Variants in TMEM178B observed in about 807,000 individuals in gnomAD.
TMEM178B encodes the protein transmembrane protein 178B.
A neutral mutation model predicts 31.0 loss-of-function variants in TMEM178B; 5 were observed. That is an observed-to-expected ratio of 0.16 (90% CI 0.08 to 0.34). The LOEUF is 0.34. TMEM178B is among the 10% of genes least tolerant of loss of function. The pLI is 1.00. For synonymous variants in TMEM178B, 164 were observed against 164.0 expected (o/e 1.00, Z 0.00); for missense variants, 275 against 400.3 (o/e 0.69, Z 2.67).
At chr7:141,101,170 C>A (rs775749036) in intron 1 of TMEM178B, among the ~76,000 whole-genome samples, 2 of 152,114 alleles carry the variant, frequency 1.3e-5, no homozygotes, top group Non-Finnish European at 2.9e-5. Context: ...AGAGTGTAAC[C>A]TGTAAATCTG....
intron 1 of TMEM178B, among the ~76,000 whole-genome samples, chr7:141,136,281 G>C (rs987643308): frequency 6.6e-6 from 1 of 152,196 alleles, no homozygotes; most frequent in African/African-American, 2.4e-5. Context: ...CTGGGGAAAG[G>C]ACTTGCTCTT....
At chr7:141,169,978 G>A (rs1275123786) in intron 1 of TMEM178B, among the ~76,000 whole-genome samples, 1 of 152,176 alleles carries the variant, frequency 6.6e-6, no homozygotes, top group Non-Finnish European at 1.5e-5. Flanking sequence ...TCAATCTTAT[G>A]CAAATATTTT....
the TMEM178B span, among the ~76,000 whole-genome samples, chr7:141,492,470 T>A: frequency 1.1e-4 from 17 of 152,200 alleles, no homozygotes. Flanking sequence ...TGTCTTTAAC[T>A]CTGCAGCCCC....
intron 2 of TMEM178B, among the ~76,000 whole-genome samples, chr7:141,324,440 T>G (rs868715345): frequency 4.8e-5 from 6 of 126,226 alleles, no homozygotes; most frequent in African/African-American, 1.1e-4. Context: ...TTTTTTTTTT[T>G]TTTTTTTTTT....
intron 3 of TMEM178B, among the ~76,000 whole-genome samples, chr7:141,467,650 C>T (rs1188418512): frequency 2.0e-5 from 3 of 152,096 alleles, no homozygotes; most frequent in African/African-American, 7.2e-5. Context: ...ACCGAAGTGC[C>T]TTGACCCTAC....
chr7:141,099,069 A>G (rs1259681304), intron 1 of TMEM178B, among the ~76,000 whole-genome samples: 1 of 152,242 alleles, frequency 6.6e-6, no homozygotes, highest in Non-Finnish European at 1.5e-5. Context: ...ATTATCAACC[A>G]GGGCAGAATG....
At chr7:141,336,727 C>T (rs1450830104) in intron 2 of TMEM178B, among the ~76,000 whole-genome samples, 1 of 151,532 alleles carries the variant, frequency 6.6e-6, no homozygotes, top group Non-Finnish European at 1.5e-5. Context: ...ACTCTTACTA[C>T]CATCACTTCT....
Position 141,074,722 on chromosome 7 carries a change from C to G in TMEM178B, c.382+30C>G. ...GCGCCGGGCGCAAGGCGTGGCGCTG[C>G]GGAGAGCCCGGCGCCTTTAGGCCCC... is the stretch of plus-strand genomic sequence containing the variant. On this transcript the variant is annotated intron_variant, in intron 1 of 3. Coordinates refer to ENST00000565468, the MANE Select transcript of TMEM178B (RefSeq NM_001195278.2). This position sits in a 1 kb window ranked among gnomAD's most constrained non-coding sequence, Gnocchi z 5.1. 6.9e-7 allele frequency: 1 copy of G among 1,448,626 alleles called. No homozygotes were observed. Among genetic ancestry groups the G allele is most frequent in the Non-Finnish European group, 9.0e-7 (1 of 1,106,094 alleles). 89.7% of individuals were successfully genotyped at this position (1,448,626 alleles called of 1,614,324 possible). A position where few individuals can be genotyped will look rare whatever the true frequency, so the allele number is the denominator to read the frequency against.
At chr7:141,099,922 C>T (rs762462063) in intron 1 of TMEM178B, among the ~76,000 whole-genome samples, 6 of 151,826 alleles carry the variant, frequency 4.0e-5, no homozygotes, top group South Asian at 2.1e-4. Context: ...CTCCGCATCC[C>T]GGGTTCACGC....
rs1802349510 is a variant in TMEM178B at position 141,475,646 on chromosome 7, A to C, written c.*4860A>C. On this transcript the variant is annotated 3_prime_UTR_variant, in exon 4 of 4. Coordinates refer to ENST00000565468, the MANE Select transcript of TMEM178B (RefSeq NM_001195278.2). ...GTTGAGTTGACCCTGTGTTCCTGGC[A>C]GCAAGAGTGCAGGGCCCTGAGCCCC... 6.6e-6 allele frequency: 1 copy of C among 152,248 alleles called. No individual in the cohort carries two copies. Among genetic ancestry groups the C allele is most frequent in the Non-Finnish European group, 1.5e-5 (1 of 68,124 alleles). 9.4% of individuals were successfully genotyped at this position (152,248 alleles called of 1,614,324 possible).
intron 2 of TMEM178B, among the ~76,000 whole-genome samples, chr7:141,245,035 G>C (rs1725919619): frequency 1.3e-5 from 2 of 151,352 alleles, no homozygotes; most frequent in South Asian, 2.1e-4. Flanking sequence ...TACTCGGGAG[G>C]GTGAGGCAGG....
At chr7:141,224,149 C>A (rs1205382733) in intron 2 of TMEM178B, among the ~76,000 whole-genome samples, 1 of 152,148 alleles carries the variant, frequency 6.6e-6, no homozygotes, top group African/African-American at 2.4e-5. Flanking sequence ...TTAAGACGTG[C>A]CTTTTGCCTT....
At chr7:141,446,997 G>A (rs1801771025) in intron 3 of TMEM178B, among the ~76,000 whole-genome samples, 1 of 151,958 alleles carries the variant, frequency 6.6e-6, no homozygotes, top group Non-Finnish European at 1.5e-5. Context: ...TCTTTAGACA[G>A]GTAATGTCTC....
intron 2 of TMEM178B, among the ~76,000 whole-genome samples, chr7:141,435,245 G>C (rs375997216): frequency 1.3e-5 from 2 of 152,246 alleles, no homozygotes; most frequent in African/African-American, 4.8e-5. Flanking sequence ...AACTCAAAAT[G>C]GATTAAATAC....
intron 2 of TMEM178B, among the ~76,000 whole-genome samples, chr7:141,241,211 C>G (rs928514581): frequency 6.6e-6 from 1 of 151,708 alleles, no homozygotes; most frequent in Non-Finnish European, 1.5e-5. Flanking sequence ...CATTATATCA[C>G]TCTGTATGCC....
chr7:141,300,163 C>T (rs1237089006), intron 2 of TMEM178B, among the ~76,000 whole-genome samples: 1 of 152,144 alleles, frequency 6.6e-6, no homozygotes, highest in African/African-American at 2.4e-5. Flanking sequence ...GTTCGTGGAG[C>T]CATCAGGAGG....
At chr7:141,373,883 T>G (rs990241672) in intron 2 of TMEM178B, among the ~76,000 whole-genome samples, 1 of 152,196 alleles carries the variant, frequency 6.6e-6, no homozygotes, top group Non-Finnish European at 1.5e-5. Flanking sequence ...ACCTAAATTT[T>G]GTGAAAGAGG....
At chr7:141,287,800 T>C (rs1798471163) in intron 2 of TMEM178B, among the ~76,000 whole-genome samples, 1 of 152,200 alleles carries the variant, frequency 6.6e-6, no homozygotes, top group African/African-American at 2.4e-5. Context: ...TGTTCTCCTA[T>C]TATCCTTTCA....
At chr7:141,448,125 A>T (rs1264197270) in intron 3 of TMEM178B, among the ~76,000 whole-genome samples, 2 of 152,018 alleles carry the variant, frequency 1.3e-5, no homozygotes, top group African/African-American at 4.8e-5. Context: ...CACACAAAGC[A>T]TGTGTGCCTC....
Sources: gnomAD v4.1 joint callset for allele counts (sites outside exome capture counted in the v4.1 genomes callset) on GRCh38, gnomAD v4.1.1 for gene constraint, Gnocchi (gnomAD v3.1) non-coding constraint, MANE v1.5 for transcripts, NCBI Gene and HGNC (gene_info 2026-07-23, HGNC 2026-07-21) for gene names.